NUP188: variants seen among roughly 807,000 people sequenced by gnomAD.
The protein encoded by NUP188 is nucleoporin NUP188.
A neutral mutation model predicts 223.0 loss-of-function variants in NUP188; 97 were observed. That is an observed-to-expected ratio of 0.43 (90% CI 0.37 to 0.51). The LOEUF (loss-of-function observed/expected upper bound fraction) is 0.51. Ranked by LOEUF, NUP188 falls within the 20% of genes least tolerant of loss-of-function variation. NUP188 has a pLI of 0.00. For missense variants in NUP188, 1,947 were observed against 2,175.6 expected, an observed-to-expected ratio of 0.89 and a Z score of 2.09; for synonymous variants, 869 against 828.0, an observed-to-expected ratio of 1.05 and a Z score of -0.85.
At position 128,993,452 on chromosome 9, in the gene NUP188, A is replaced by G. The variant is rs755346955; in HGVS notation, c.2847+49A>G. 2.5e-6 allele frequency: 4 copies of G among 1,612,760 alleles called. No homozygotes were observed. In the African/African-American group the frequency reaches 5.3e-5, roughly 22 times the overall value. On this transcript the variant is annotated intron_variant, in intron 26 of 43. Coordinates refer to ENST00000372577, the MANE Select transcript of NUP188 (RefSeq NM_015354.3). ...ACTGGGAGTTGGCTCACTGGGAGGCAGATGCTGGGCTCTGCAAGTACAGCT... is the reference window on the plus strand; with the variant it reads ...ACTGGGAGTTGGCTCACTGGGAGGCGGATGCTGGGCTCTGCAAGTACAGCT...
intron 1 of NUP188, 90 bp from the exon 2 acceptor site, chr9:128,949,099 T>C: frequency 1.1e-6 from 1 of 911,416 alleles, no homozygotes; most frequent in Non-Finnish European, 1.7e-6. Context: ...GATTTTTTGC[T>C]TTTAGAGAGC....
chr9:128,987,086 A>AGGGTGTGT (rs1393383886), intron 22 of NUP188, among the ~76,000 whole-genome samples: 1 of 128,424 alleles, frequency 7.8e-6, no homozygotes, highest in Non-Finnish European at 1.6e-5. Flanking sequence ...AGAGAGAGAG[A>AGGGTGTGT]GAGTGTGTGT....
Position 128,968,690 on chromosome 9 carries a change from C to T in NUP188, c.770C>T (p.Thr257Ile). 6.2e-7 allele frequency: 1 copy of T among 1,613,926 alleles called. No homozygotes were observed. The highest frequency in any genetic ancestry group is 8.5e-7 in the Non-Finnish European group (1 of 1,179,844). Reference sequence around the variant, plus strand: ...ACCAATAGGCACCTGGTGGATGAGACTATGGATCCTTTTGTAGATCGGATT... The same window carrying T: ...ACCAATAGGCACCTGGTGGATGAGATTATGGATCCTTTTGTAGATCGGATT... Reference protein sequence around the residue: ...RQTNRHLVDETMDPFVDRIGY... With the variant: ...RQTNRHLVDEIMDPFVDRIGY... The change falls in exon 9 of 44, where the codon ACT (threonine) becomes ATT (isoleucine). Residue 257 changes from threonine to isoleucine, a missense_variant. Around this residue, in one of 3 missense-constraint regions of NUP188, gnomAD observed 817 missense variants for 865.8 expected, o/e 0.94. Transcript: ENST00000372577.
At chr9:129,005,846 C>A in intron 41 of NUP188, 70 bp downstream of exon 41, 1 of 1,539,054 alleles carries the variant, frequency 6.5e-7, no homozygotes, top group East Asian at 2.3e-5. Context: ...TCCCAGCTGA[C>A]CTTGGGCATG....
rs12343113 is a variant in NUP188 at position 128,985,166 on chromosome 9, T to G, written c.2076+152T>G. On this transcript the variant is annotated intron_variant, in intron 20 of 43. Transcript: ENST00000372577. ...GAAGTTACAGTGACAACAGTTTCTATGTATTGAGTACCTAGTATGTGCCAG... is the reference window on the plus strand; with the variant it reads ...GAAGTTACAGTGACAACAGTTTCTAGGTATTGAGTACCTAGTATGTGCCAG... 1.0e-4 allele frequency: 60 copies of G among 598,888 alleles called. No individual in the cohort carries two copies. In the African/African-American group the frequency reaches 1.0e-3, roughly 10 times the overall value. 37.1% of individuals were successfully genotyped at this position (598,888 alleles called of 1,614,324 possible).
At chr9:129,001,102 G>A (rs1842653551) in intron 34 of NUP188, among the ~76,000 whole-genome samples, 2 of 152,298 alleles carry the variant, frequency 1.3e-5, no homozygotes. Flanking sequence ...CTGGTACAAG[G>A]ATAGATTAGA....
At chr9:128,986,469 C>A in intron 20 of NUP188, 89 bp from the exon 21 acceptor site, 1 of 1,357,814 alleles carries the variant, frequency 7.4e-7, no homozygotes, top group Non-Finnish European at 1.0e-6. Context: ...TTCCTTTGGA[C>A]CTATCTATGG....
intron 38 of NUP188, 106 bp downstream of exon 38, chr9:129,003,560 C>T (rs746884226): frequency 1.5e-5 from 20 of 1,341,686 alleles, no homozygotes; most frequent in East Asian, 9.2e-5. Context: ...TGTTCCTGAA[C>T]GGGGGCTTTT....
chr9:128,990,178 C>T lies in NUP188; in HGVS notation c.2592C>T (p.Asp864=), dbSNP rs1402141038. Residue 864 remains aspartate (D), a synonymous_variant, in exon 25 of 44, where the codon GAC becomes GAT. Coordinates refer to ENST00000372577, the MANE Select transcript of NUP188 (RefSeq NM_015354.3). ...CCAAATACATCTACCACAAACATGA[C>T]CCTGCTTTGCCACGTCTTGCCATTC... ...VLAKYIYHKH[D]PALPRLAIQL... 6.2e-7 allele frequency: 1 copy of T among 1,614,198 alleles called. No individual in the cohort carries two copies.
chr9:128,997,952 C>T (rs1357638110), intron 30 of NUP188, among the ~76,000 whole-genome samples, 199 bp from the exon 31 acceptor site: 1 of 152,042 alleles, frequency 6.6e-6, no homozygotes, highest in Non-Finnish European at 1.5e-5. Context: ...ATCTCCTGAC[C>T]TCGTGATCCG....
At chr9:128,998,778 T>C (rs569952626) in intron 32 of NUP188, among the ~76,000 whole-genome samples, 155 bp downstream of exon 32, 1 of 151,784 alleles carries the variant, frequency 6.6e-6, no homozygotes, top group Admixed American at 6.6e-5. Context: ...TGAGGCAGAC[T>C]GGTGGATATC....
At chr9:128,966,141 G>A (rs1202673322) in intron 8 of NUP188, among the ~76,000 whole-genome samples, 1 of 149,198 alleles carries the variant, frequency 6.7e-6, no homozygotes, top group African/African-American at 2.4e-5. Context: ...GTGTGTGTGT[G>A]TGTGTGTGTG....
intron 24 of NUP188, among the ~76,000 whole-genome samples, chr9:128,988,719 ATTTTTTTTTTTTTT>A (rs528821221): frequency 2.7e-5 from 2 of 72,858 alleles, no homozygotes; most frequent in African/African-American, 9.2e-5. Context: ...TAATTTTTTA[ATTTTTTTTTTTTTT>A]TTTTTTTTTT....
intron 27 of NUP188, among the ~76,000 whole-genome samples, 194 bp from the exon 28 acceptor site, chr9:128,994,179 G>A (rs964335725): frequency 6.6e-6 from 1 of 152,162 alleles, no homozygotes; most frequent in East Asian, 1.9e-4. Context: ...TAATGCATAA[G>A]TGTGATTCAT....
chr9:128,999,234 A>G lies in NUP188; in HGVS notation c.3578A>G (p.Gln1193Arg), dbSNP rs1291797820. The change falls in exon 33 of 44, where the codon CAG (glutamine) becomes CGG (arginine). Residue 1193 changes from glutamine to arginine, a missense_variant. By Grantham distance (43) the Gln-to-Arg change is conservative. Transcript: ENST00000372577. ...ACGGAGATCCTGGAGGGAGTGCTGC[A>G]GGCCGACCAGCAACTCATGGAGAAG... ...PLTEILEGVL[Q>R]ADQQLMEKTK... 1.9e-6 allele frequency: 3 copies of G among 1,614,054 alleles called. No homozygotes were observed. Among genetic ancestry groups the G allele is most frequent in the African/African-American group, 2.7e-5 (2 of 75,046 alleles).
chr9:128,968,710 C>G lies in NUP188; in HGVS notation c.790C>G (p.Arg264Gly), dbSNP rs189789611. Reference protein sequence around the residue: ...VDETMDPFVDRIGYFSALILV... With the variant: ...VDETMDPFVDGIGYFSALILV... The stretch of plus-strand genomic sequence containing the variant: ...TGAGACTATGGATCCTTTTGTAGAT[C>G]GGATTGGGTAAGTCAGTGAATTGAA... The change falls in exon 9 of 44, where the codon CGG becomes GGG. Residue 264 changes from arginine (R) to glycine (G), a missense_variant. By Grantham distance (125) the Arg-to-Gly change is moderately radical. Coordinates refer to ENST00000372577, the MANE Select transcript of NUP188 (RefSeq NM_015354.3). 2 of 1,611,984 alleles carry G rather than the reference C, an allele frequency of 1.2e-6. No homozygotes were observed. The highest frequency in any genetic ancestry group is 1.7e-6 in the Non-Finnish European group (2 of 1,178,276).
intron 15 of NUP188, 32 bp downstream of exon 15, chr9:128,981,422 C>T (rs1842252712): frequency 6.4e-6 from 9 of 1,399,518 alleles, no homozygotes; most frequent in South Asian, 1.3e-5. Context: ...TTTATGACAG[C>T]TTTTTTTTTT....
intron 12 of NUP188, among the ~76,000 whole-genome samples, chr9:128,975,579 A>AGCGTGATCTCCACTCACTTCAAGTC (rs1842165130): frequency 1.3e-5 from 2 of 148,204 alleles, no homozygotes; most frequent in African/African-American, 5.0e-5. Context: ...GAGAGTAAGT[A>AGCGTGATCTCCACTCACTTCAAGTC]GCGTGATCTC....
At chr9:128,954,799 A>G (rs897271821) in intron 3 of NUP188, among the ~76,000 whole-genome samples, 1 of 150,492 alleles carries the variant, frequency 6.6e-6, no homozygotes, top group African/African-American at 2.4e-5. Flanking sequence ...TGTTTTCCTT[A>G]TTATTAGACT....
Sources: gnomAD v4.1 joint callset for allele counts (sites outside exome capture counted in the v4.1 genomes callset) on GRCh38, gnomAD v4.1.1 for gene constraint, gnomAD v4.1.1 regional missense constraint, MANE v1.5 for transcripts, NCBI Gene and HGNC (gene_info 2026-07-23, HGNC 2026-07-21) for gene names.